The following ERC2 variants were observed in gnomAD, a reference collection of about 807,000 sequenced individuals.
ERC2 encodes the protein ERC protein 2.
In ERC2, 42 loss-of-function variants were observed where a neutral mutation model predicts 114.8. The observed-to-expected ratio is 0.37, with a 90% CI of 0.29 to 0.47. The LOEUF is 0.47. Among genes scored for constraint, ERC2 ranks in the 20% least tolerant of loss-of-function variants. ERC2 has a pLI of 0.99. For synonymous variants in ERC2, 454 were observed against 425.5 expected (o/e 1.07, Z -0.82); for missense variants, 939 against 1,150.7 (o/e 0.82, Z 2.66).
intron 17 of ERC2, among the ~76,000 whole-genome samples, chr3:55,512,395 C>T (rs114909995): frequency 0.012 from 1,838 of 152,300 alleles, 20 homozygotes; most frequent in Middle Eastern, 0.024. Flanking sequence ...TCATATTACT[C>T]ATTCTGGCAC....
At chr3:55,566,405 T>TTTATTTA (rs1467199072) in intron 17 of ERC2, among the ~76,000 whole-genome samples, 6 of 124,858 alleles carry the variant, frequency 4.8e-5, no homozygotes, top group African/African-American at 1.5e-4. Flanking sequence ...ATGCTGGTAA[T>TTTATTTA]TCTATTTATT....
intron 2 of ERC2, among the ~76,000 whole-genome samples, chr3:56,400,142 G>T (rs1448483850): frequency 6.6e-6 from 1 of 152,028 alleles, no homozygotes; most frequent in African/African-American, 2.4e-5. Context: ...ATTATATTTA[G>T]AACTTTTTTA....
intron 17 of ERC2, among the ~76,000 whole-genome samples, chr3:55,538,034 G>A (rs1352817037): frequency 6.6e-6 from 1 of 152,164 alleles, no homozygotes; most frequent in Non-Finnish European, 1.5e-5. Context: ...ATCCTTTGAG[G>A]TCATTTAGGA....
At chr3:55,836,498 T>A (rs1575780166) in intron 14 of ERC2, among the ~76,000 whole-genome samples, 1 of 152,146 alleles carries the variant, frequency 6.6e-6, no homozygotes, top group Non-Finnish European at 1.5e-5. Context: ...AAACAAGCAA[T>A]GGGGAAAGGA....
At chr3:56,096,641 T>C (rs2078081763) in intron 6 of ERC2, among the ~76,000 whole-genome samples, 1 of 152,218 alleles carries the variant, frequency 6.6e-6, no homozygotes, top group Non-Finnish European at 1.5e-5. Context: ...CGTCTCCTAG[T>C]TATAATGATA....
chr3:55,997,765 T>A (rs2071637485), intron 10 of ERC2, among the ~76,000 whole-genome samples: 1 of 150,546 alleles, frequency 6.6e-6, no homozygotes, highest in South Asian at 2.1e-4. Context: ...GGTTCCTAAT[T>A]TAGAAAATTA....
intron 7 of ERC2, among the ~76,000 whole-genome samples, chr3:56,040,600 T>TGTATACATATACATATAC (rs2075098641): frequency 3.1e-5 from 4 of 127,034 alleles, no homozygotes; most frequent in African/African-American, 1.2e-4. Flanking sequence ...TATATCTATA[T>TGTATACATATACATATAC]ATGTATATAT....
At chr3:55,706,246 A>C (rs1252069368) in intron 15 of ERC2, among the ~76,000 whole-genome samples, 1 of 152,088 alleles carries the variant, frequency 6.6e-6, no homozygotes, top group Non-Finnish European at 1.5e-5. Flanking sequence ...CTGCCCATTG[A>C]TGCACCCTTT....
chr3:55,569,861 ATTTTTTT>A (rs375004734), intron 17 of ERC2, among the ~76,000 whole-genome samples: 2 of 125,230 alleles, frequency 1.6e-5, no homozygotes, highest in Non-Finnish European at 3.4e-5. Context: ...CTTCATTTCT[ATTTTTTT>A]TTTTTTTTTT....
At chr3:56,053,241 C>A (rs535939374) in intron 7 of ERC2, among the ~76,000 whole-genome samples, 1 of 152,270 alleles carries the variant, frequency 6.6e-6, no homozygotes, top group South Asian at 2.1e-4. Flanking sequence ...AGGGAAGAGG[C>A]TGTGTGCCAC....
intron 2 of ERC2, among the ~76,000 whole-genome samples, chr3:56,351,762 A>ACATG (rs1175259450): frequency 6.6e-6 from 1 of 152,214 alleles, no homozygotes; most frequent in Non-Finnish European, 1.5e-5. Flanking sequence ...ATTCATGCAT[A>ACATG]CATGCATGCA....
intron 12 of ERC2, among the ~76,000 whole-genome samples, chr3:55,969,579 G>A (rs552362861): frequency 2.0e-4 from 30 of 152,270 alleles, no homozygotes; most frequent in Admixed American, 6.5e-5. Context: ...GCAGCCAGTT[G>A]ACCTGCAGTA....
chr3:56,403,999 C>G (rs2060617319), intron 2 of ERC2, among the ~76,000 whole-genome samples: 1 of 152,192 alleles, frequency 6.6e-6, no homozygotes, highest in African/African-American at 2.4e-5. Context: ...CCACATCGCA[C>G]CAGAGGTGCA....
At chr3:56,179,490 G>A (rs1402449038) in intron 3 of ERC2, among the ~76,000 whole-genome samples, 1 of 152,114 alleles carries the variant, frequency 6.6e-6, no homozygotes, top group Non-Finnish European at 1.5e-5. Flanking sequence ...TGGTGATAAG[G>A]ACAGACCCAT....
intron 15 of ERC2, among the ~76,000 whole-genome samples, chr3:55,717,725 G>C (rs1020994382): frequency 6.6e-6 from 1 of 152,150 alleles, no homozygotes; most frequent in Non-Finnish European, 1.5e-5. Context: ...TCCTTTCCCA[G>C]AACTATCCTT....
intron 13 of ERC2, among the ~76,000 whole-genome samples, chr3:55,915,043 T>C (rs191605666): frequency 1.6e-4 from 24 of 152,314 alleles, no homozygotes; most frequent in African/African-American, 5.0e-4. Flanking sequence ...GCATATTTCA[T>C]ACACACTTTT....
chr3:55,612,508 T>C (rs2058948458), intron 17 of ERC2, among the ~76,000 whole-genome samples: 1 of 152,230 alleles, frequency 6.6e-6, no homozygotes, highest in Non-Finnish European at 1.5e-5. Context: ...AGAGATGTCA[T>C]TCCTTATTTA....
chr3:55,918,721 T>C (rs1052149244), intron 13 of ERC2, among the ~76,000 whole-genome samples: 5 of 151,274 alleles, frequency 3.3e-5, no homozygotes, highest in African/African-American at 1.2e-4. Context: ...CATATGGAGA[T>C]CTGAAGTGCC....
chr3:55,947,425 T>C (rs935550622), intron 13 of ERC2, among the ~76,000 whole-genome samples: 3 of 152,252 alleles, frequency 2.0e-5, no homozygotes, highest in Non-Finnish European at 4.4e-5. Context: ...CTCCCGTACA[T>C]TTTTGTCTTT....
Sources: gnomAD v4.1 joint callset for allele counts (sites outside exome capture counted in the v4.1 genomes callset) on GRCh38, gnomAD v4.1.1 for gene constraint, MANE v1.5 for transcripts, NCBI Gene and HGNC (gene_info 2026-07-23, HGNC 2026-07-21) for gene names.